The following KLRC3 variants were observed in gnomAD, a reference collection of about 807,000 sequenced individuals.
The protein encoded by KLRC3 is killer cell lectin like receptor C3, also known as NKG2-E type II integral membrane protein.
Under a neutral mutation model 23.6 loss-of-function variants are expected in KLRC3, and 16 were observed. The observed-to-expected ratio is 0.68, with a 90% confidence interval of 0.46 to 1.03. The LOEUF is 1.03. KLRC3 is among the 50% of genes least tolerant of loss of function. KLRC3 has a pLI of 0.00. For missense variants in KLRC3, 209 were observed against 232.2 expected, an observed-to-expected ratio of 0.90 and a Z score of 0.65; for synonymous variants, 70 against 71.8, an observed-to-expected ratio of 0.98 and a Z score of 0.13.
intron 5 of KLRC3, among the ~76,000 whole-genome samples, chr12:10,416,423 G>A (rs1022449122): frequency 2.0e-5 from 3 of 152,190 alleles, no homozygotes; most frequent in Admixed American, 1.3e-4. Context: ...TTCTTCCAAT[G>A]TGGCCCACAG....
At chr12:10,416,944 T>C (rs1264222513) in intron 4 of KLRC3, among the ~76,000 whole-genome samples, 177 bp from the exon 5 acceptor site, 1 of 152,060 alleles carries the variant, frequency 6.6e-6, no homozygotes, top group Non-Finnish European at 1.5e-5. Flanking sequence ...TATTCTCATG[T>C]TAATAAAGAC....
Position 10,415,730 on chromosome 12 carries a change from C to G in KLRC3, c.652G>C (p.Asp218His), listed in dbSNP as rs1591600250. The G allele has an allele frequency of 1.2e-6, 2 of 1,613,752 alleles. No individual in the cohort carries two copies. Among genetic ancestry groups the G allele is most frequent in the East Asian group, 4.5e-5 (2 of 44,862 alleles). Residue 218 changes from aspartate (D) to histidine (H), a missense_variant, in exon 6 of 7, where the codon GAC becomes CAC. Physicochemically the swap from Asp to His is moderately conservative, Grantham distance 81. Transcript: ENST00000396439. ...ATGATTCTTGAAGATCCACACTGGT[C>G]TGATATAAGTCCACGTACATGTAGC... ...AMLHVRGLISDQCGSSRIIRR... is the reference protein window; with the variant it reads ...AMLHVRGLISHQCGSSRIIRR...
At chr12:10,416,805 T>C in intron 4 of KLRC3, 38 bp from the exon 5 acceptor site, 1 of 1,483,072 alleles carries the variant, frequency 6.7e-7, no homozygotes, top group East Asian at 2.5e-5. Flanking sequence ...AAATAATAAT[T>C]ATGAAAACAT....
In KLRC3 at chr12:10,420,453, C is replaced by T; in HGVS notation, c.98G>A (p.Gly33Glu). The T allele has an allele frequency of 6.2e-7, 1 of 1,613,170 alleles. No homozygotes were observed. Among genetic ancestry groups the T allele is most frequent in the Non-Finnish European group, 8.5e-7 (1 of 1,179,732 alleles). ...KPKGNKSSIS[G>E]TEQEIFQVEL... ...TACTTGGAATATTTCCTGTTCGGTT[C>T]CTGAAATGGAGCTTTTATTGCCTTT... The change falls in exon 1 of 7, where the codon GGA (glycine) becomes GAA (glutamate). Residue 33 changes from glycine (G) to glutamate (E), a missense_variant. Transcript: ENST00000396439.
chr12:10,412,459 G>GA lies in KLRC3; in HGVS notation c.*112dup, dbSNP rs1381566600. On this transcript the variant is annotated 3_prime_UTR_variant, in exon 7 of 7. Coordinates refer to ENST00000396439, the MANE Select transcript of KLRC3 (RefSeq NM_002261.3). The stretch of plus-strand genomic sequence containing the variant: ...CATCTAGTTAAAAATAGGGAGGGCA[G>GA]AAAAAGTAGATTTTTAAAACACAAG... 3.0e-6 allele frequency: 2 copies of GA among 675,574 alleles called. No individual in the cohort carries two copies. The highest frequency in any genetic ancestry group is 1.8e-5 in the African/African-American group (1 of 55,108). 41.8% of individuals were successfully genotyped at this position (675,574 alleles called of 1,614,324 possible).
chr12:10,413,907 C>T lies in KLRC3; in HGVS notation c.679-1291G>A, dbSNP rs573049910. Among the ~76,000 whole-genome samples the T allele has an allele frequency of 9.2e-4, 140 of 151,400 alleles. No individual in the cohort carries two copies. The Middle Eastern group carries it at 0.01, about 11-fold the overall frequency. On this transcript the variant is annotated intron_variant, in intron 6 of 6. Coordinates refer to ENST00000396439, the MANE Select transcript of KLRC3 (RefSeq NM_002261.3). The stretch of plus-strand genomic sequence containing the variant: ...GGTTTTCTGTCCTTGTGATAGTTTG[C>T]TGAGAATGATGGTTTCCAGCTTCAT...
At position 10,420,292 on chromosome 12, in the gene KLRC3, T is replaced by C. The variant is rs1416199472; in HGVS notation, c.187+72A>G. The C allele has an allele frequency of 4.1e-6, 6 of 1,472,756 alleles. No homozygotes were observed. In the African/African-American group the frequency reaches 8.4e-5, roughly 21 times the overall value. 91.2% of individuals were successfully genotyped at this position (1,472,756 alleles called of 1,614,324 possible). A position where few individuals can be genotyped will look rare whatever the true frequency, so the allele number is the denominator to read the frequency against. On this transcript the variant is annotated intron_variant, in intron 1 of 6. Transcript: ENST00000396439. Reference sequence around the variant, plus strand: ...CTCACAAGTGTAAAATATTCCCTAATCTTTCCTCACCCTTCTGCATTCAAC... The same window carrying C: ...CTCACAAGTGTAAAATATTCCCTAACCTTTCCTCACCCTTCTGCATTCAAC...
At position 10,416,666 on chromosome 12, in the gene KLRC3, C is replaced by A. The variant is rs78128895; in HGVS notation, c.587+1G>T. On this transcript the variant is annotated splice_donor_variant, in intron 5 of 6. Coordinates refer to ENST00000396439, the MANE Select transcript of KLRC3 (RefSeq NM_002261.3). LOFTEE classifies it high-confidence loss of function. ...ATATAGCACCCTATAAAACAACTTACTCATGTTTGAAAGCCAAACCATTTA... is the reference window on the plus strand; with the variant it reads ...ATATAGCACCCTATAAAACAACTTAATCATGTTTGAAAGCCAAACCATTTA... 5.3e-3 allele frequency: 8,471 copies of A among 1,610,096 alleles called. 327 individuals carry two copies. The African/African-American group carries it at 0.097, about 18-fold the overall frequency.
intron 6 of KLRC3, among the ~76,000 whole-genome samples, chr12:10,414,239 A>C (rs1863609421): frequency 6.6e-6 from 1 of 152,176 alleles, no homozygotes; most frequent in Admixed American, 6.5e-5. Context: ...AAATAAAATT[A>C]TTTTATAAAA....
chr12:10,416,200 A>G (rs1356583721), intron 5 of KLRC3, among the ~76,000 whole-genome samples: 4 of 152,252 alleles, frequency 2.6e-5, no homozygotes, highest in African/African-American at 4.8e-5. Flanking sequence ...TGACTTTTTA[A>G]TGAAAACAAG....
At chr12:10,417,971 G>A (rs1376549896) in intron 4 of KLRC3, among the ~76,000 whole-genome samples, 2 of 152,082 alleles carry the variant, frequency 1.3e-5, no homozygotes, top group African/African-American at 4.8e-5. Flanking sequence ...AAGTGATGAG[G>A]GCATACACAG....
intron 6 of KLRC3, among the ~76,000 whole-genome samples, chr12:10,413,769 C>T (rs1863603602): frequency 6.6e-6 from 1 of 151,848 alleles, no homozygotes; most frequent in African/African-American, 2.4e-5. Context: ...CTAATGCTAT[C>T]CCTCCCCCAA....
intron 6 of KLRC3, among the ~76,000 whole-genome samples, chr12:10,415,375 G>C (rs894563892): frequency 6.6e-6 from 1 of 152,078 alleles, no homozygotes; most frequent in Admixed American, 6.6e-5. Flanking sequence ...CATTAGCAAC[G>C]CTATTTTATT....
At position 10,420,183 on chromosome 12, in the gene KLRC3, T is replaced by C. The variant is rs188533289; in HGVS notation, c.187+181A>G. Among the ~76,000 whole-genome samples, 42 of 152,284 alleles carry C rather than the reference T, an allele frequency of 2.8e-4. 1 individual carries two copies. Among genetic ancestry groups the C allele is most frequent in the African/African-American group, 1.0e-3 (42 of 41,566 alleles). ...TCCATGAGTGGATTGCAGATTACAG[T>C]TGATTACAGTTGAACAATGCCTGAA... On this transcript the variant is annotated intron_variant, in intron 1 of 6. Transcript: ENST00000396439.
rs142093820 is a variant in KLRC3, at chr12:10,420,375, T to C, written c.176A>G (p.Tyr59Cys). The C allele has an allele frequency of 6.0e-5, 97 of 1,613,376 alleles. 2 individuals are homozygous for C. The African/African-American group carries it at 1.3e-3, about 21-fold the overall frequency. ...SLNHQGIDKI[Y>C]DCQGLLPPPE... ...ATTTAATGTTTTACCTTGGCAGTCA[T>C]ATATTTTATCAATCCCTTGATGATT... Residue 59 changes from tyrosine (Y) to cysteine (C), a missense_variant, in exon 1 of 7, where the codon TAT becomes TGT. Coordinates refer to ENST00000396439, the MANE Select transcript of KLRC3 (RefSeq NM_002261.3).
Position 10,415,697 on chromosome 12 carries a change from T to C in KLRC3, c.678+7A>G. 1.2e-6 allele frequency: 2 copies of C among 1,613,258 alleles called. No homozygotes were observed. The highest frequency in any genetic ancestry group is 1.7e-6 in the Non-Finnish European group (2 of 1,179,498). Reference sequence around the variant, plus strand: ...TCAAGCGCTTTAATTCTAAAGCTTATGCTCACAATGATTCTTGAAGATCCA... The same window carrying C: ...TCAAGCGCTTTAATTCTAAAGCTTACGCTCACAATGATTCTTGAAGATCCA... On this transcript the variant is annotated splice_region_variant and intron_variant, in intron 6 of 6. Transcript: ENST00000396439.
chr12:10,412,748 A>T (rs1455097894), intron 6 of KLRC3, 132 bp from the exon 7 acceptor site: 11 of 611,256 alleles, frequency 1.8e-5, no homozygotes, highest in Non-Finnish European at 3.2e-5. Context: ...GATGAAATTT[A>T]CTGAAATTGG....
Position 10,419,859 on chromosome 12 carries a change from T to C in KLRC3, c.286+7A>G. ...GTTCCCTTCTAATCTTTCAAGAATATGCTTACAAGGAATAAGAACTATTGT... is the reference window on the plus strand; with the variant it reads ...GTTCCCTTCTAATCTTTCAAGAATACGCTTACAAGGAATAAGAACTATTGT... On this transcript the variant is annotated splice_region_variant and intron_variant, in intron 2 of 6. Coordinates refer to ENST00000396439, the MANE Select transcript of KLRC3 (RefSeq NM_002261.3). 1 of 560,836 alleles carries C rather than the reference T, an allele frequency of 1.8e-6. No homozygotes were observed. Among genetic ancestry groups the C allele is most frequent in the Non-Finnish European group, 3.0e-6 (1 of 334,758 alleles). The allele number at this position is 560,836 out of a possible 1,614,324, so 34.7% of individuals were successfully genotyped here.
chr12:10,412,364 T>C lies in KLRC3; in HGVS notation c.*208A>G. 1 of 572,574 alleles carries C rather than the reference T, an allele frequency of 1.7e-6. No individual in the cohort carries two copies. Among genetic ancestry groups the C allele is most frequent in the South Asian group, 2.2e-5 (1 of 46,452 alleles). 35.5% of individuals were successfully genotyped at this position (572,574 alleles called of 1,614,324 possible). A position where few individuals can be genotyped will look rare whatever the true frequency, so the allele number is the denominator to read the frequency against. The stretch of plus-strand genomic sequence containing the variant: ...ATCATAACGGTCTGCATTTTAATAT[T>C]AATATTTGTTGTAAATGACTAATGC... On this transcript the variant is annotated 3_prime_UTR_variant, in exon 7 of 7. Coordinates refer to ENST00000396439, the MANE Select transcript of KLRC3 (RefSeq NM_002261.3).
Sources: gnomAD v4.1 joint callset for allele counts (sites outside exome capture counted in the v4.1 genomes callset) on GRCh38, gnomAD v4.1.1 for gene constraint, MANE v1.5 for transcripts, NCBI Gene and HGNC (gene_info 2026-07-23, HGNC 2026-07-21) for gene names.